The following AKAP13 variants were observed in gnomAD, a reference collection of about 807,000 sequenced individuals.
AKAP13 encodes A-kinase anchoring protein 13.
Under a neutral mutation model 264.5 loss-of-function variants are expected in AKAP13, and 80 were observed. The ratio of observed to expected loss-of-function variants is 0.30; its 90% CI spans 0.25 to 0.36. AKAP13 has a LOEUF of 0.36. Ranked by LOEUF, AKAP13 falls within the 10% of genes least tolerant of loss-of-function variation. The pLI, the probability that AKAP13 is intolerant of heterozygous loss-of-function variation, is 1.00. For missense variants in AKAP13, 3,712 were observed against 3,435.2 expected (o/e 1.08, Z -2.01); for synonymous variants, 1,380 against 1,250.2 (o/e 1.10, Z -2.19).
chr15:85,621,848 C>T (rs772639385), intron 8 of AKAP13, among the ~76,000 whole-genome samples: 28 of 151,964 alleles, frequency 1.8e-4, no homozygotes, highest in Admixed American at 2.6e-4. Flanking sequence ...TTTTTGTTTT[C>T]CCCACAAACC....
intron 7 of AKAP13, 100 bp downstream of exon 7, chr15:85,582,207 A>T (rs2079154377): frequency 7.5e-7 from 1 of 1,340,084 alleles, no homozygotes. Flanking sequence ...TGTTGTTTTG[A>T]GGCCTTGCAC....
At chr15:85,465,542 C>G (rs866280382) in intron 1 of AKAP13, among the ~76,000 whole-genome samples, 1 of 137,252 alleles carries the variant, frequency 7.3e-6, no homozygotes, top group Non-Finnish European at 1.5e-5. Context: ...TGATGTTCCC[C>G]TTCCTGTGTC....
rs570471399 is a variant in AKAP13, at chr15:85,601,363, T to A, written c.4161+15540T>A. On this transcript the variant is annotated intron_variant, in intron 8 of 36. Coordinates refer to ENST00000394518, the MANE Select transcript of AKAP13 (RefSeq NM_007200.5). ...AACCATCTCTGTTTATTGTTCTTGCTGTAATTACTCTTAATTCACCAGCAT... is the reference window on the plus strand; with the variant it reads ...AACCATCTCTGTTTATTGTTCTTGCAGTAATTACTCTTAATTCACCAGCAT... Among the ~76,000 whole-genome samples the A allele has an allele frequency of 2.0e-5, 3 of 152,326 alleles. No individual in the cohort carries two copies. In the South Asian group the frequency reaches 6.2e-4, roughly 32 times the overall value.
At position 85,581,451 on chromosome 15, in the gene AKAP13, C is replaced by T. The variant is rs1331738897; in HGVS notation, c.3383C>T (p.Ala1128Val). Residue 1128 changes from alanine (A) to valine (V), a missense_variant, in exon 7 of 37, where the codon GCC becomes GTC. Transcript: ENST00000394518. ...PNVLLSQEKN[A>V]VLGLPVALQD... The stretch of plus-strand genomic sequence containing the variant: ...GTCTTGTTGAGCCAAGAGAAGAATG[C>T]CGTTCTAGGTTTGCCAGTGGCTCTA... 6.2e-7 allele frequency: 1 copy of T among 1,614,122 alleles called. No individual in the cohort carries two copies. Among genetic ancestry groups the T allele is most frequent in the Admixed American group, 1.7e-5 (1 of 60,022 alleles).
chr15:85,478,578 C>T (rs1408964746), intron 1 of AKAP13, among the ~76,000 whole-genome samples: 2 of 151,986 alleles, frequency 1.3e-5, no homozygotes, highest in South Asian at 2.1e-4. Flanking sequence ...AATGAGTGAA[C>T]GTGGGTGTTA....
intron 1 of AKAP13, among the ~76,000 whole-genome samples, chr15:85,407,975 A>G (rs2071758843): frequency 6.6e-6 from 1 of 151,630 alleles, no homozygotes. Flanking sequence ...TCTAATGGAC[A>G]TTTTGAAAGT....
At chr15:85,404,192 G>A (rs1312515912) in intron 1 of AKAP13, among the ~76,000 whole-genome samples, 1 of 152,214 alleles carries the variant, frequency 6.6e-6, no homozygotes, top group African/African-American at 2.4e-5. Flanking sequence ...TACCTCAGAT[G>A]CAGATAAGGT....
At chr15:85,551,415 G>T (rs929537949) in intron 5 of AKAP13, among the ~76,000 whole-genome samples, 7 of 152,150 alleles carry the variant, frequency 4.6e-5, no homozygotes, top group African/African-American at 1.7e-4. Context: ...TATCTCCATT[G>T]CACAAGGAAA....
intron 1 of AKAP13, among the ~76,000 whole-genome samples, chr15:85,403,835 C>G (rs2071541736): frequency 7.8e-6 from 1 of 128,308 alleles, no homozygotes; most frequent in Non-Finnish European, 1.6e-5. Flanking sequence ...GCAACAAGAG[C>G]AAAACTCCTC....
At chr15:85,425,145 C>T (rs1378376772) in intron 1 of AKAP13, among the ~76,000 whole-genome samples, 1 of 152,144 alleles carries the variant, frequency 6.6e-6, no homozygotes, top group Non-Finnish European at 1.5e-5. Flanking sequence ...AAAAATGGTG[C>T]TGATAGACTT....
chr15:85,630,234 AACACACACACAC>A (rs71141472), intron 8 of AKAP13, among the ~76,000 whole-genome samples: 1 of 119,164 alleles, frequency 8.4e-6, no homozygotes, highest in African/African-American at 3.2e-5. Flanking sequence ...GGAAAATTGT[AACACACACACAC>A]ACACACACAC....
rs182664101 is a variant in AKAP13, at chr15:85,605,224, G to A, written c.4161+19401G>A. The stretch of plus-strand genomic sequence containing the variant: ...TTCGTCTCGAATAATTTACCATTTT[G>A]TGGAGAGGATATTTAAAAGTTTCAC... On this transcript the variant is annotated intron_variant, in intron 8 of 36. Transcript: ENST00000394518. Among the ~76,000 whole-genome samples, 46 of 152,306 alleles carry A rather than the reference G, an allele frequency of 3.0e-4. 1 individual carries two copies. The South Asian group carries it at 8.5e-3, about 28-fold the overall frequency.
chr15:85,710,782 G>A (rs1175744383), intron 19 of AKAP13, 137 bp downstream of exon 19: 3 of 944,586 alleles, frequency 3.2e-6, no homozygotes, highest in Non-Finnish European at 4.7e-6. Context: ...GAAGGCTGCT[G>A]TTTTATCCTG....
In AKAP13 at chr15:85,669,817, T is replaced by C; in HGVS notation, c.5088T>C (p.His1696=). Residue 1696 remains histidine, a synonymous_variant, in exon 14 of 37, where the codon CAT becomes CAC. Transcript: ENST00000394518. ...CCATCTCATTAATGACAATCAGCCA[T>C]CCTGGATTGGACAGTGAGTATACTA... ...TKSISLMTIS[H]PGLDNSRPFH... The C allele has an allele frequency of 8.7e-6, 14 of 1,607,216 alleles. No individual in the cohort carries two copies. The highest frequency in any genetic ancestry group is 1.7e-5 in the Admixed American group (1 of 60,008).
intron 17 of AKAP13, among the ~76,000 whole-genome samples, chr15:85,706,845 C>T (rs1036027030): frequency 6.6e-6 from 1 of 152,078 alleles, no homozygotes; most frequent in Non-Finnish European, 1.5e-5. Context: ...GACCTGTGAA[C>T]CAAGTGGGTG....
In AKAP13 at chr15:85,582,025, G is replaced by C. The variant is rs116608773; in HGVS notation, c.3957G>C (p.Thr1319=). Residue 1319 remains threonine (T), a synonymous_variant, in exon 7 of 37, where the codon ACG becomes ACC. Coordinates refer to ENST00000394518, the MANE Select transcript of AKAP13 (RefSeq NM_007200.5). ...TGGGCAGTACTCCTGAGGAAGCCACGGGGAGCCTTGCAGGATGTTTTGCTG... is the reference window on the plus strand; with the variant it reads ...TGGGCAGTACTCCTGAGGAAGCCACCGGGAGCCTTGCAGGATGTTTTGCTG... ...LPMGSTPEEA[T]GSLAGCFAGR... is the part of the protein sequence containing the mutation. 1.4e-4 allele frequency: 229 copies of C among 1,614,088 alleles called. 2 individuals are homozygous for C. The South Asian group carries it at 2.4e-3, about 17-fold the overall frequency.
chr15:85,637,865 T>G (rs1455280515), intron 8 of AKAP13, among the ~76,000 whole-genome samples: 2 of 150,542 alleles, frequency 1.3e-5, no homozygotes, highest in African/African-American at 2.4e-5. Flanking sequence ...TATTTCTACT[T>G]TCCCTGGGTT....
rs1393101157 is a variant in AKAP13 at position 85,594,761 on chromosome 15, G to A, written c.4161+8938G>A. Among the ~76,000 whole-genome samples, 3 of 152,198 alleles carry A rather than the reference G, an allele frequency of 2.0e-5. No homozygotes were observed. The East Asian group carries it at 5.8e-4, about 29-fold the overall frequency. ...GAGAAAGGCCTAGGTCCACCTCAGG[G>A]ATCTACCTGGGTACCTACAATTTAG... is the stretch of plus-strand genomic sequence containing the variant. On this transcript the variant is annotated intron_variant, in intron 8 of 36. Coordinates refer to ENST00000394518, the MANE Select transcript of AKAP13 (RefSeq NM_007200.5).
intron 1 of AKAP13, among the ~76,000 whole-genome samples, chr15:85,394,662 A>G (rs917617664): frequency 5.9e-5 from 9 of 152,042 alleles, no homozygotes; most frequent in African/African-American, 2.2e-4. Context: ...TAACTTGGCA[A>G]GGTTTGTAGT....
Sources: gnomAD v4.1 joint callset for allele counts (sites outside exome capture counted in the v4.1 genomes callset) on GRCh38, gnomAD v4.1.1 for gene constraint, MANE v1.5 for transcripts, NCBI Gene and HGNC (gene_info 2026-07-23, HGNC 2026-07-21) for gene names.